Variants in CSMD1 observed in about 807,000 individuals in gnomAD.
CSMD1 encodes CUB and sushi domain-containing protein 1.
A neutral mutation model predicts 417.5 loss-of-function variants in CSMD1; 213 were observed. The observed-to-expected ratio is 0.51, with a 90% CI of 0.46 to 0.57. The LOEUF (loss-of-function observed/expected upper bound fraction) is 0.57, where lower values mean the gene tolerates loss of function less well. CSMD1 is among the 20% of genes least tolerant of loss of function. The pLI is 0.00. For synonymous variants in CSMD1, 2,862 were observed against 1,736.8 expected (o/e 1.65, Z -16.11); for missense variants, 6,923 against 4,529.7 (o/e 1.53, Z -15.17).
At chr8:3,522,391 T>G (rs954972464) in intron 10 of CSMD1, among the ~76,000 whole-genome samples, 1 of 152,210 alleles carries the variant, frequency 6.6e-6, no homozygotes, top group East Asian at 1.9e-4. Flanking sequence ...AAATATATAT[T>G]GTTTCCATTT....
At position 4,409,884 on chromosome 8, in the gene CSMD1, G is replaced by A. The variant is rs562870364; in HGVS notation, c.415+10069C>T. Among the ~76,000 whole-genome samples the A allele has an allele frequency of 8.6e-5, 13 of 151,974 alleles. 1 individual carries two copies. In the South Asian group the frequency reaches 2.5e-3, roughly 29 times the overall value. ...GCTGGAGTGTAATGGTGCAATCTTG[G>A]CTCACTGCAACCTCCGCCTCCTGGG... is the stretch of plus-strand genomic sequence containing the variant. On this transcript the variant is annotated intron_variant, in intron 3 of 69. Coordinates refer to ENST00000635120, the MANE Select transcript of CSMD1 (RefSeq NM_033225.6).
chr8:4,615,826 A>C (rs1005063108), intron 2 of CSMD1, among the ~76,000 whole-genome samples: 5 of 152,172 alleles, frequency 3.3e-5, no homozygotes, highest in African/African-American at 1.2e-4. Context: ...ATAATCTATC[A>C]AAACCTTCCT....
At chr8:3,053,602 C>G (rs1812018902) in intron 49 of CSMD1, among the ~76,000 whole-genome samples, 1 of 152,062 alleles carries the variant, frequency 6.6e-6, no homozygotes, top group Admixed American at 6.5e-5. Context: ...AAAGACCATG[C>G]AAGAAAGAGG....
intron 3 of CSMD1, among the ~76,000 whole-genome samples, chr8:4,398,126 T>C (rs2128927450): frequency 6.6e-6 from 1 of 152,274 alleles, no homozygotes; most frequent in African/African-American, 2.4e-5. Flanking sequence ...ATGCCACATC[T>C]GGCAAAGTGT....
intron 5 of CSMD1, among the ~76,000 whole-genome samples, chr8:3,872,712 C>T (rs967944507): frequency 6.6e-6 from 1 of 152,142 alleles, no homozygotes. Flanking sequence ...AGGCCTTGTT[C>T]TCACTATTAA....
At chr8:4,241,834 C>A (rs1385446073) in intron 3 of CSMD1, among the ~76,000 whole-genome samples, 1 of 151,836 alleles carries the variant, frequency 6.6e-6, no homozygotes, top group Non-Finnish European at 1.5e-5. Flanking sequence ...TCTCAGCCTC[C>A]CAAGTATGGG....
chr8:3,237,818 T>C (rs1799250052), intron 26 of CSMD1, among the ~76,000 whole-genome samples: 1 of 118,654 alleles, frequency 8.4e-6, no homozygotes, highest in African/African-American at 3.1e-5. Context: ...ATTATACTTA[T>C]ACTACAAGTA....
At chr8:3,813,885 C>T (rs1002301459) in intron 5 of CSMD1, among the ~76,000 whole-genome samples, 1 of 152,132 alleles carries the variant, frequency 6.6e-6, no homozygotes, top group Admixed American at 6.5e-5. Flanking sequence ...AGAAAGTGAT[C>T]GCTTTTCCTT....
At chr8:4,807,480 C>T (rs1238000025) in intron 1 of CSMD1, among the ~76,000 whole-genome samples, 1 of 152,166 alleles carries the variant, frequency 6.6e-6, no homozygotes, top group African/African-American at 2.4e-5. Context: ...TATAGCCAAG[C>T]TGAGCCCAGC....
At chr8:3,575,199 C>T in intron 9 of CSMD1, 133 bp from the exon 10 acceptor site, 1 of 942,216 alleles carries the variant, frequency 1.1e-6, no homozygotes, top group Non-Finnish European at 1.5e-6. Flanking sequence ...GGTGCATGGA[C>T]TCCAACTGGG....
chr8:3,947,076 T>C (rs771647080), intron 5 of CSMD1, among the ~76,000 whole-genome samples: 12 of 152,192 alleles, frequency 7.9e-5, no homozygotes, highest in Non-Finnish European at 1.6e-4. Flanking sequence ...TGTTGAATAG[T>C]TGTAAAAGTG....
At chr8:4,376,499 G>T (rs34731438) in intron 3 of CSMD1, among the ~76,000 whole-genome samples, 43,345 of 151,944 alleles carry the variant, frequency 0.29, 7,189 homozygotes, top group African/African-American at 0.46. Flanking sequence ...TATATGAATA[G>T]ACCATTATTT....
At chr8:3,666,755 C>T (rs772963080) in intron 7 of CSMD1, among the ~76,000 whole-genome samples, 8 of 152,274 alleles carry the variant, frequency 5.3e-5, no homozygotes, top group Middle Eastern at 3.4e-3. Context: ...TCTTCTATGC[C>T]TCCATGTAAG....
Position 3,503,406 on chromosome 8 carries a change from T to G in CSMD1, c.1345-9680A>C, listed in dbSNP as rs113525706. 1.3e-4 allele frequency among the ~76,000 whole-genome samples: 20 copies of G among 152,370 alleles called. 1 individual carries two copies. The highest frequency in any genetic ancestry group is 3.6e-4 in the African/African-American group (15 of 41,600). ...ACAAAAAGTCAAAGCTGCTAGTGAT[T>G]CAGGGTGGGAAATAAAGTTTGCACA... On this transcript the variant is annotated intron_variant, in intron 10 of 69. Coordinates refer to ENST00000635120, the MANE Select transcript of CSMD1 (RefSeq NM_033225.6).
At chr8:3,953,852 T>C (rs1419181387) in intron 5 of CSMD1, among the ~76,000 whole-genome samples, 1 of 152,132 alleles carries the variant, frequency 6.6e-6, no homozygotes, top group African/African-American at 2.4e-5. Context: ...GAGCCTAATG[T>C]TCTGGGTGGT....
chr8:4,680,625 G>T (rs958665614), intron 1 of CSMD1, among the ~76,000 whole-genome samples: 4 of 152,134 alleles, frequency 2.6e-5, no homozygotes, highest in Non-Finnish European at 4.4e-5. Flanking sequence ...CTGTTGCCAG[G>T]CTGGAGTGCA....
At chr8:4,209,492 C>T (rs1302817190) in intron 3 of CSMD1, among the ~76,000 whole-genome samples, 1 of 152,164 alleles carries the variant, frequency 6.6e-6, no homozygotes, top group South Asian at 2.1e-4. Context: ...TTCCCTTAAC[C>T]TCACTCCCAT....
chr8:4,741,800 G>A (rs945963588), intron 1 of CSMD1, among the ~76,000 whole-genome samples: 5 of 151,928 alleles, frequency 3.3e-5, no homozygotes, highest in African/African-American at 1.2e-4. Flanking sequence ...TCTAAACAGT[G>A]CCCTGGTGAT....
At chr8:3,712,549 A>T (rs1196405857) in intron 6 of CSMD1, among the ~76,000 whole-genome samples, 1 of 152,228 alleles carries the variant, frequency 6.6e-6, no homozygotes, top group Non-Finnish European at 1.5e-5. Flanking sequence ...CTATTGAGTC[A>T]TTCATTCTCA....
Sources: allele counts gnomAD v4.1 joint callset (sites outside exome capture counted in the v4.1 genomes callset), GRCh38; gene constraint gnomAD v4.1.1; transcripts MANE v1.5; gene names NCBI Gene and HGNC (gene_info 2026-07-23, HGNC 2026-07-21).